The following IFI44L variants were observed in gnomAD, a reference collection of about 807,000 sequenced individuals.
IFI44L encodes interferon-induced protein 44-like.
A neutral mutation model predicts 39.3 loss-of-function variants in IFI44L; 40 were observed. That is an observed-to-expected ratio of 1.02 (90% CI 0.79 to 1.33). The LOEUF (loss-of-function observed/expected upper bound fraction) is 1.33, where lower values mean the gene tolerates loss of function less well. Ranked by LOEUF, IFI44L falls within the 40% of genes most tolerant of loss-of-function variation. IFI44L has a pLI of 0.00. For synonymous variants in IFI44L, 198 were observed against 182.3 expected (o/e 1.09, Z -0.69); for missense variants, 623 against 549.0 (o/e 1.13, Z -1.35).
In IFI44L at chr1:78,622,521, G is replaced by T. The variant is rs116542578; in HGVS notation, c.-11+1950G>T. ...ACAGACTCTAAAATAGCTCCTAATT[G>T]TCCCTGTCCTATTTTTTTTTTAATA... On this transcript the variant is annotated intron_variant, in intron 1 of 8. Transcript: ENST00000370751. 4.6e-3 allele frequency among the ~76,000 whole-genome samples: 693 copies of T among 151,862 alleles called. 2 individuals carry two copies. The highest frequency in any genetic ancestry group is 7.2e-3 in the Non-Finnish European group (486 of 67,968).
intron 1 of IFI44L, chr1:78,627,027 A>C (rs1652515277): frequency 1.3e-5 from 2 of 152,008 alleles, no homozygotes; most frequent in African/African-American, 4.8e-5. Context: ...ACTCCAAAGT[A>C]TGATTTTTAT....
chr1:78,633,668 G>T (rs1191475168), intron 4 of IFI44L, among the ~76,000 whole-genome samples: 3 of 152,142 alleles, frequency 2.0e-5, no homozygotes, highest in Non-Finnish European at 4.4e-5. Context: ...TGTCACAAGA[G>T]TCAAAAGCAA....
At chr1:78,638,161 G>T (rs1479036695) in intron 6 of IFI44L, among the ~76,000 whole-genome samples, 2 of 152,056 alleles carry the variant, frequency 1.3e-5, no homozygotes, top group East Asian at 3.9e-4. Context: ...TTTCATCAGG[G>T]TCTTAATTTG....
chr1:78,631,890 C>G (rs1489204536), intron 4 of IFI44L, among the ~76,000 whole-genome samples: 1 of 152,060 alleles, frequency 6.6e-6, no homozygotes, highest in African/African-American at 2.4e-5. Flanking sequence ...GCACCAAACA[C>G]TACTAGTAGT....
At position 78,628,989 on chromosome 1, in the gene IFI44L, A is replaced by G; in HGVS notation, c.517A>G (p.Lys173Glu). The G allele has an allele frequency of 6.3e-7, 1 of 1,576,290 alleles. No individual in the cohort carries two copies. Among genetic ancestry groups the G allele is most frequent in the Non-Finnish European group, 8.7e-7 (1 of 1,146,032 alleles). ...CCTAGACGACATAAAGAGGATAATT[A>G]AAGCCAGAGAGTAAGTTGGATTCTT... Reference protein sequence around the residue: ...DNLDDIKRIIKAREHRNRLLA... With the variant: ...DNLDDIKRIIEAREHRNRLLA... Residue 173 changes from lysine (K) to glutamate (E), a missense_variant, in exon 3 of 9, where the codon AAA becomes GAA. Physicochemically the swap from Lys to Glu is moderately conservative, Grantham distance 56 (BLOSUM62 1). Coordinates refer to ENST00000370751, the MANE Select transcript of IFI44L (RefSeq NM_006820.4).
Position 78,629,840 on chromosome 1 carries a change from A to G in IFI44L, c.648A>G (p.Ser216=), listed in dbSNP as rs754992587. The G allele has an allele frequency of 9.3e-6, 15 of 1,613,698 alleles. No individual in the cohort carries two copies. Among genetic ancestry groups the G allele is most frequent in the Admixed American group, 1.7e-5 (1 of 59,948 alleles). ...VGSGKSSFFN[S]VKSIFHGHVT... ...CTGGAAAGTCCAGTTTTTTCAATTC[A>G]GTCAAGTCTATTTTTCATGGCCATG... is the stretch of plus-strand genomic sequence containing the variant. Residue 216 remains serine, a synonymous_variant, in exon 4 of 9, where the codon TCA becomes TCG. Coordinates refer to ENST00000370751, the MANE Select transcript of IFI44L (RefSeq NM_006820.4).
chr1:78,624,595 G>A (rs1417458357), intron 1 of IFI44L, among the ~76,000 whole-genome samples: 1 of 152,062 alleles, frequency 6.6e-6, no homozygotes, highest in African/African-American at 2.4e-5. Flanking sequence ...TAGGTCCATT[G>A]GGACTATAGT....
chr1:78,627,842 G>T, intron 1 of IFI44L, 64 bp from the exon 2 acceptor site: 3 of 933,800 alleles, frequency 3.2e-6, no homozygotes, highest in Non-Finnish European at 2.9e-6. Context: ...AGTAGAAGTG[G>T]AAACCTAAGC....
chr1:78,634,411 G>A (rs774809217), intron 4 of IFI44L, among the ~76,000 whole-genome samples: 13 of 152,048 alleles, frequency 8.5e-5, no homozygotes, highest in Non-Finnish European at 1.6e-4. Context: ...AGAGTAGGAT[G>A]AAATATTCAA....
chr1:78,628,139 G>T lies in IFI44L; in HGVS notation c.224G>T (p.Ser75Ile), dbSNP rs753087539. Residue 75 changes from serine (S) to isoleucine (I), a missense_variant, in exon 2 of 9, where the codon AGT becomes ATT. Physicochemically the swap from Ser to Ile is moderately radical, Grantham distance 142 (BLOSUM62 -2). Transcript: ENST00000370751. ...GGAAATTATATTAATTTACATGAAAGTTCTACAGAGCCAAATGATTCCCTA... is the reference window on the plus strand; with the variant it reads ...GGAAATTATATTAATTTACATGAAATTTCTACAGAGCCAAATGATTCCCTA... ...MLGNYINLHE[S>I]STEPNDSLWF... 6.2e-7 allele frequency: 1 copy of T among 1,612,000 alleles called. No homozygotes were observed. Among genetic ancestry groups the T allele is most frequent in the Non-Finnish European group, 8.5e-7 (1 of 1,178,912 alleles).
chr1:78,625,160 A>G (rs893398256), intron 1 of IFI44L, among the ~76,000 whole-genome samples: 5 of 151,524 alleles, frequency 3.3e-5, no homozygotes, highest in African/African-American at 1.2e-4. Context: ...TCTTGCTTAT[A>G]ACGCCATTAA....
intron 4 of IFI44L, among the ~76,000 whole-genome samples, chr1:78,633,134 T>A (rs1652814256): frequency 6.6e-6 from 1 of 152,126 alleles, no homozygotes; most frequent in Non-Finnish European, 1.5e-5. Flanking sequence ...GGAAAGATAG[T>A]TTTACGTTAT....
At position 78,643,652 on chromosome 1, in the gene IFI44L, G is replaced by GTTTTTTTTTTTTTTT. The variant is rs199785880; in HGVS notation, c.*1844_*1858dup. 1.0e-5 allele frequency: 1 copy of GTTTTTTTTTTTTTTT among 95,908 alleles called. No individual in the cohort carries two copies. The highest frequency in any genetic ancestry group is 3.0e-5 in the African/African-American group (1 of 33,686). 5.9% of individuals were successfully genotyped at this position (95,908 alleles called of 1,614,324 possible). On this transcript the variant is annotated 3_prime_UTR_variant, in exon 9 of 9. Coordinates refer to ENST00000370751, the MANE Select transcript of IFI44L (RefSeq NM_006820.4). ...TTTGTTTTGTTTTTTTTTTGTTGTT[G>GTTTTTTTTTTTTTTT]TTTTTTTTTTTTTTTGTTTTTTTGC...
Position 78,641,063 on chromosome 1 carries a change from G to A in IFI44L, c.1091G>A (p.Ser364Asn), listed in dbSNP as rs1002531253. 2.5e-6 allele frequency: 4 copies of A among 1,612,842 alleles called. No homozygotes were observed. The African/African-American group carries it at 5.3e-5, about 22-fold the overall frequency. Residue 364 changes from serine to asparagine, a missense_variant, in exon 7 of 9, where the codon AGT (serine) becomes AAT (asparagine). By Grantham distance (46) the Ser-to-Asn change is conservative. Coordinates refer to ENST00000370751, the MANE Select transcript of IFI44L (RefSeq NM_006820.4). Reference protein sequence around the residue: ...VALLTKVDDCSEVLQDNFLNM... With the variant: ...VALLTKVDDCNEVLQDNFLNM... ...TTGCTTACTAAAGTGGATGATTGCA[G>A]TGAGGTTCTTCAAGACAACTTTTTA...
At chr1:78,639,182 T>C (rs542317741) in intron 6 of IFI44L, among the ~76,000 whole-genome samples, 5 of 152,162 alleles carry the variant, frequency 3.3e-5, no homozygotes, top group African/African-American at 9.6e-5. Flanking sequence ...TGCTGCTGAT[T>C]CGGTGGAAGT....
intron 6 of IFI44L, among the ~76,000 whole-genome samples, chr1:78,640,103 G>A (rs1328487292): frequency 6.6e-6 from 1 of 152,064 alleles, no homozygotes; most frequent in Non-Finnish European, 1.5e-5. Flanking sequence ...TAAAATTATG[G>A]AGGGTTTGGG....
Position 78,641,978 on chromosome 1 carries a change from C to A in IFI44L, c.*169C>A. 1.4e-6 allele frequency: 1 copy of A among 728,786 alleles called. No individual in the cohort carries two copies. The highest frequency in any genetic ancestry group is 2.5e-6 in the Non-Finnish European group (1 of 405,604). The allele number at this position is 728,786 out of a possible 1,614,324, so 45.1% of individuals were successfully genotyped here. The stretch of plus-strand genomic sequence containing the variant: ...AGGCCAAAACCTGAGAAGCGGTGGG[C>A]TAAGATAGGTCCTACTGCAAACCAC... On this transcript the variant is annotated 3_prime_UTR_variant, in exon 9 of 9. Transcript: ENST00000370751.
chr1:78,620,863 C>T (rs1246500325), intron 1 of IFI44L: 1 of 152,130 alleles, frequency 6.6e-6, no homozygotes, highest in Non-Finnish European at 1.5e-5. Context: ...CTCTTTTCAT[C>T]ATCTCCTTCC....
Position 78,643,158 on chromosome 1 carries a change from C to CTTTTTTTTTTTTTTTTTTTTTTTT in IFI44L, c.*1351_*1352insTTTTTTTTTTTTTTTTTTTTTTTT, listed in dbSNP as rs1303490900. ...ATAGATATTAAGAAAGCAAGAGTTT[C>CTTTTTTTTTTTTTTTTTTTTTTTT]TTATGTCCAGTTATGGAATATTTCC... On this transcript the variant is annotated 3_prime_UTR_variant, in exon 9 of 9. Transcript: ENST00000370751. The CTTTTTTTTTTTTTTTTTTTTTTTT allele has an allele frequency of 1.1e-4, 16 of 151,508 alleles. No homozygotes were observed. The highest frequency in any genetic ancestry group is 2.2e-4 in the Non-Finnish European group (15 of 67,846). 9.4% of individuals were successfully genotyped at this position (151,508 alleles called of 1,614,324 possible).
Sources: gnomAD v4.1 joint callset for allele counts (sites outside exome capture counted in the v4.1 genomes callset) on GRCh38, gnomAD v4.1.1 for gene constraint, MANE v1.5 for transcripts, NCBI Gene and HGNC (gene_info 2026-07-23, HGNC 2026-07-21) for gene names.